The following ZNF268 variants were observed in gnomAD, a reference collection of about 807,000 sequenced individuals.
ZNF268 encodes the protein zinc finger protein 268, also known as zinc finger protein 3.
A neutral mutation model predicts 29.3 loss-of-function variants in ZNF268; 20 were observed. That is an observed-to-expected ratio of 0.68 (90% confidence interval 0.48 to 0.99). The LOEUF (loss-of-function observed/expected upper bound fraction) is 0.99. Among genes scored for constraint, ZNF268 ranks in the 50% least tolerant of loss-of-function variants. The pLI, the probability that ZNF268 is intolerant of heterozygous loss-of-function variation, is 0.00. For synonymous variants in ZNF268, 429 were observed against 376.9 expected (o/e 1.14, Z -1.60); for missense variants, 1,240 against 1,121.6 (o/e 1.11, Z -1.51).
rs1310914842 is a variant in ZNF268, at chr12:133,187,941, T to A, written c.103T>A (p.Leu35Met). The A allele has an allele frequency of 1.9e-6, 3 of 1,600,428 alleles. No individual in the cohort carries two copies. The highest frequency in any genetic ancestry group is 2.6e-6 in the Non-Finnish European group (3 of 1,173,406). ...IRKLQGQESILGQGTPGLQPL... is the reference protein window; with the variant it reads ...IRKLQGQESIMGQGTPGLQPL... ...AAAGCTCCAAGGTCAGGAATCCATCTTGGGCCAAGGGACTCCTGGTCTGCA... is the reference window on the plus strand; with the variant it reads ...AAAGCTCCAAGGTCAGGAATCCATCATGGGCCAAGGGACTCCTGGTCTGCA... Residue 35 changes from leucine to methionine, a missense_variant, in exon 3 of 6, where the codon TTG becomes ATG. Leu to Met is a conservative substitution (Grantham distance 15, BLOSUM62 2). Transcript: ENST00000536435.
rs1182031189 is a variant in ZNF268 at position 133,204,546 on chromosome 12, C to T, written c.*16C>T. On this transcript the variant is annotated 3_prime_UTR_variant, in exon 6 of 6. Transcript: ENST00000536435. Reference sequence around the variant, plus strand: ...CAAACATTGATAATTTTACGAAACTCTGAAAAGTGGATTCACAAGAGATAG... The same window carrying T: ...CAAACATTGATAATTTTACGAAACTTTGAAAAGTGGATTCACAAGAGATAG... 1 of 1,465,946 alleles carries T rather than the reference C, an allele frequency of 6.8e-7. No individual in the cohort carries two copies. Among genetic ancestry groups the T allele is most frequent in the Non-Finnish European group, 9.0e-7 (1 of 1,110,146 alleles). 90.8% of individuals were successfully genotyped at this position (1,465,946 alleles called of 1,614,324 possible).
rs1308527694 is a variant in ZNF268, at chr12:133,205,238, A to G, written c.*708A>G. ...TATTTCTTTTAGGAATCATTTTAAG[A>G]AATTTTATTCCAGGTGTTCCAAAAT... On this transcript the variant is annotated 3_prime_UTR_variant, in exon 6 of 6. Transcript: ENST00000536435. 1 of 151,170 alleles carries G rather than the reference A, an allele frequency of 6.6e-6. No individual in the cohort carries two copies. Among genetic ancestry groups the G allele is most frequent in the African/African-American group, 2.4e-5 (1 of 41,300 alleles). 9.4% of individuals were successfully genotyped at this position (151,170 alleles called of 1,614,324 possible). A position where few individuals can be genotyped will look rare whatever the true frequency, so the allele number is the denominator to read the frequency against.
At chr12:133,188,277 G>T (rs1170086578) in intron 3 of ZNF268, 3 of 537,822 alleles carry the variant, frequency 5.6e-6, no homozygotes, top group East Asian at 6.2e-5. Flanking sequence ...ACTCACTGCA[G>T]CCTCAAACTC....
Position 133,209,248 on chromosome 12 carries a change from T to G in ZNF268, c.*4718T>G, listed in dbSNP as rs1956947326. 6.6e-6 allele frequency: 1 copy of G among 152,092 alleles called. No homozygotes were observed. The highest frequency in any genetic ancestry group is 1.5e-5 in the Non-Finnish European group (1 of 68,028). 9.4% of individuals were successfully genotyped at this position (152,092 alleles called of 1,614,324 possible). On this transcript the variant is annotated 3_prime_UTR_variant, in exon 6 of 6. Transcript: ENST00000536435. ...GCCACTGGTCTGTATTGATTTTTCT[T>G]AATTCTTTGCTAAAGGGCCAGGTAG...
chr12:133,184,449 A>G (rs1442714486), intron 2 of ZNF268, among the ~76,000 whole-genome samples: 2 of 151,948 alleles, frequency 1.3e-5, no homozygotes, highest in Non-Finnish European at 1.5e-5. Context: ...ACATCCTTAC[A>G]TGGTGGAAGG....
chr12:133,188,621 A>G (rs1240205328), intron 3 of ZNF268, among the ~76,000 whole-genome samples: 2 of 151,902 alleles, frequency 1.3e-5, no homozygotes, highest in East Asian at 3.9e-4. Context: ...TTTGTGTTTT[A>G]TGTGTATCCT....
Position 133,214,555 on chromosome 12 carries a change from G to A in ZNF268, c.*10025G>A, listed in dbSNP as rs1957029576. On this transcript the variant is annotated 3_prime_UTR_variant, in exon 6 of 6. Coordinates refer to ENST00000536435, the MANE Select transcript of ZNF268 (RefSeq NM_003415.3). The stretch of plus-strand genomic sequence containing the variant: ...GCAGAAAGAGGCTGGCCACAAAAAG[G>A]TCACATACTGTATGATACCACTTAT... 6.6e-6 allele frequency: 1 copy of A among 152,216 alleles called. No homozygotes were observed. The highest frequency in any genetic ancestry group is 2.4e-5 in the African/African-American group (1 of 41,440). The allele number at this position is 152,216 out of a possible 1,614,324, so 9.4% of individuals were successfully genotyped here. A position where few individuals can be genotyped will look rare whatever the true frequency, so the allele number is the denominator to read the frequency against.
chr12:133,181,876 C>T, intron 1 of ZNF268, 70 bp from the exon 2 acceptor site: 2 of 1,086,476 alleles, frequency 1.8e-6, no homozygotes, highest in Non-Finnish European at 2.7e-6. Flanking sequence ...GCCCTGGTGC[C>T]TCGGACCCTC....
chr12:133,182,161 A>G (rs1252289406), intron 2 of ZNF268, 131 bp downstream of exon 2: 1 of 795,044 alleles, frequency 1.3e-6, no homozygotes, highest in African/African-American at 1.7e-5. Context: ...CTGGATCGTC[A>G]TTTATAGCAT....
chr12:133,191,987 A>G lies in ZNF268; in HGVS notation c.441A>G (p.Pro147=), dbSNP rs540763931. 41 of 1,613,152 alleles carry G rather than the reference A, an allele frequency of 2.5e-5. No homozygotes were observed. The East Asian group carries it at 8.2e-4, about 32-fold the overall frequency. ...TGTGTATGGTGCAGGCCCAAGTTCC[A>G]AATCAGACCTGTCCAAGTGAGTGAT... is the stretch of plus-strand genomic sequence containing the variant. ...EELCMVQAQV[P]NQTCPNTVWK... The change falls in exon 5 of 6, where the codon CCA becomes CCG. Residue 147 remains proline (P), a synonymous_variant. Coordinates refer to ENST00000536435, the MANE Select transcript of ZNF268 (RefSeq NM_003415.3).
chr12:133,188,798 A>G (rs1425684842), intron 3 of ZNF268, among the ~76,000 whole-genome samples: 1 of 152,170 alleles, frequency 6.6e-6, no homozygotes, highest in Non-Finnish European at 1.5e-5. Context: ...TATGAAGCCT[A>G]TATTCAAATT....
Position 133,208,443 on chromosome 12 carries a change from C to G in ZNF268, c.*3913C>G, listed in dbSNP as rs1447188557. Reference sequence around the variant, plus strand: ...CCTAGGAGGTGGCAGTTGCAGTGAGCCAAGATTGCACCACTGCACTCCAGG... The same window carrying G: ...CCTAGGAGGTGGCAGTTGCAGTGAGGCAAGATTGCACCACTGCACTCCAGG... On this transcript the variant is annotated 3_prime_UTR_variant, in exon 6 of 6. Coordinates refer to ENST00000536435, the MANE Select transcript of ZNF268 (RefSeq NM_003415.3). 1 of 152,138 alleles carries G rather than the reference C, an allele frequency of 6.6e-6. No homozygotes were observed. Among genetic ancestry groups the G allele is most frequent in the Non-Finnish European group, 1.5e-5 (1 of 68,100 alleles). 9.4% of individuals were successfully genotyped at this position (152,138 alleles called of 1,614,324 possible).
chr12:133,193,231 G>A (rs534465657), intron 5 of ZNF268, among the ~76,000 whole-genome samples: 1 of 152,232 alleles, frequency 6.6e-6, no homozygotes, highest in South Asian at 2.1e-4. Context: ...TCCTTGGGAG[G>A]CTGAGGTGGG....
At position 133,204,282 on chromosome 12, in the gene ZNF268, T is replaced by G; in HGVS notation, c.2596T>G (p.Cys866Gly). 1 of 1,553,054 alleles carries G rather than the reference T, an allele frequency of 6.4e-7. No individual in the cohort carries two copies. Among genetic ancestry groups the G allele is most frequent in the Non-Finnish European group, 8.7e-7 (1 of 1,152,544 alleles). ...RMHTREKPYE[C>G]SECGKAFIRN... ...GCACACAAGAGAGAAACCATATGAA[T>G]GCAGTGAGTGTGGAAAAGCCTTCAT... The change falls in exon 6 of 6, where the codon TGC becomes GGC. Residue 866 changes from cysteine (C) to glycine (G), a missense_variant. Around this residue, in one of 3 missense-constraint regions of ZNF268, gnomAD observed 1,177 missense variants for 1,039.6 expected, o/e 1.13. Coordinates refer to ENST00000536435, the MANE Select transcript of ZNF268 (RefSeq NM_003415.3).
intron 5 of ZNF268, among the ~76,000 whole-genome samples, chr12:133,201,506 G>C (rs193194145): frequency 6.6e-6 from 1 of 152,062 alleles, no homozygotes. Context: ...TTTTCCTAAA[G>C]AGAAGTCTGA....
At chr12:133,201,502 T>G (rs1422532938) in intron 5 of ZNF268, among the ~76,000 whole-genome samples, 1 of 152,132 alleles carries the variant, frequency 6.6e-6, no homozygotes, top group East Asian at 1.9e-4. Flanking sequence ...CTAGTTTTCC[T>G]AAAGAGAAGT....
At chr12:133,182,705 AAAG>A (rs1443139532) in intron 2 of ZNF268, among the ~76,000 whole-genome samples, 2 of 152,222 alleles carry the variant, frequency 1.3e-5, no homozygotes, top group Non-Finnish European at 2.9e-5. Flanking sequence ...AGCCTAGGAA[AAAG>A]AAGTAACGTG....
At chr12:133,186,288 C>T (rs1311509729) in intron 2 of ZNF268, among the ~76,000 whole-genome samples, 1 of 151,998 alleles carries the variant, frequency 6.6e-6, no homozygotes, top group East Asian at 1.9e-4. Context: ...GGATCCTAGA[C>T]CCTGAAATGT....
chr12:133,186,764 T>G (rs950591810), intron 2 of ZNF268, among the ~76,000 whole-genome samples: 1 of 152,156 alleles, frequency 6.6e-6, no homozygotes, highest in African/African-American at 2.4e-5. Context: ...AAACTATTGA[T>G]ATGTGCTATG....
Sources: allele counts gnomAD v4.1 joint callset (sites outside exome capture counted in the v4.1 genomes callset), GRCh38; gene constraint gnomAD v4.1.1; regional missense constraint gnomAD v4.1.1; transcripts MANE v1.5; gene names NCBI Gene and HGNC (gene_info 2026-07-23, HGNC 2026-07-21).